COL12A1: variants seen among roughly 807,000 people sequenced by gnomAD.
The protein encoded by COL12A1 is collagen alpha-1(XII) chain.
Under a neutral mutation model 349.7 loss-of-function variants are expected in COL12A1, and 114 were observed. That is an observed-to-expected ratio of 0.33 (90% CI 0.28 to 0.38). COL12A1 has a LOEUF of 0.38. Among genes scored for constraint, COL12A1 ranks in the 10% least tolerant of loss-of-function variants. COL12A1 has a pLI of 1.00. For missense variants in COL12A1, 3,284 were observed against 3,756.9 expected (o/e 0.87, Z 3.29); for synonymous variants, 1,369 against 1,329.0 (o/e 1.03, Z -0.66).
In COL12A1 at chr6:75,184,958, A is replaced by G. The variant is rs369353564; in HGVS notation, c.998-814T>C. 2.0e-5 allele frequency among the ~76,000 whole-genome samples: 3 copies of G among 152,306 alleles called. No individual in the cohort carries two copies. The East Asian group carries it at 5.8e-4, about 29-fold the overall frequency. On this transcript the variant is annotated intron_variant, in intron 8 of 65. Coordinates refer to ENST00000322507, the MANE Select transcript of COL12A1 (RefSeq NM_004370.6). ...GGAAGTGTGTGTAAAAACAGGCCCA[A>G]ATTTACACATCGCCTCCTCAAAAAA...
At chr6:75,117,293 C>T in intron 47 of COL12A1, 89 bp downstream of exon 47, 1 of 1,351,734 alleles carries the variant, frequency 7.4e-7, no homozygotes, top group Non-Finnish European at 1.0e-6. Flanking sequence ...TATGCACAGA[C>T]TTGATCCCAC....
chr6:75,128,436 A>C lies in COL12A1; in HGVS notation c.6211-11T>G, dbSNP rs376353816. 1.1e-5 allele frequency: 17 copies of C among 1,546,322 alleles called. No homozygotes were observed. Among genetic ancestry groups the C allele is most frequent in the Non-Finnish European group, 1.5e-5 (17 of 1,151,230 alleles). On this transcript the variant is annotated splice_polypyrimidine_tract_variant and intron_variant, in intron 37 of 65. Coordinates refer to ENST00000322507, the MANE Select transcript of COL12A1 (RefSeq NM_004370.6). ...GCCTGGGACTGTGGTCTATAGAGGA[A>C]GTTAAATTATAAATATATTACCATC...
intron 2 of COL12A1, among the ~76,000 whole-genome samples, chr6:75,198,471 C>T (rs1770348412): frequency 1.3e-5 from 2 of 150,754 alleles, no homozygotes; most frequent in South Asian, 4.2e-4. Flanking sequence ...ATATGTATTA[C>T]ATATGTAATA....
At chr6:75,100,951 T>C (rs79348085) in intron 58 of COL12A1, among the ~76,000 whole-genome samples, 7,051 of 152,308 alleles carry the variant, frequency 0.046, 287 homozygotes, top group East Asian at 0.19. Context: ...ATTTGTGGTC[T>C]CCTATGGAAC....
chr6:75,087,778 C>A, intron 64 of COL12A1, 31 bp from the exon 65 acceptor site: 1 of 1,597,654 alleles, frequency 6.3e-7, no homozygotes, highest in Non-Finnish European at 8.5e-7. Flanking sequence ...ATATATTTCC[C>A]CTCTTGTCAA....
chr6:75,109,696 C>A (rs183297842), intron 51 of COL12A1, among the ~76,000 whole-genome samples: 4 of 152,084 alleles, frequency 2.6e-5, no homozygotes, highest in South Asian at 4.1e-4. Flanking sequence ...CTCTGGAAAT[C>A]GATAGAATTC....
Position 75,145,463 on chromosome 6 carries a change from T to G in COL12A1, c.4561-8A>C. On this transcript the variant is annotated splice_region_variant and splice_polypyrimidine_tract_variant and intron_variant, in intron 24 of 65. Transcript: ENST00000322507. ...TGTTGGCCCCAAACGCACCTGCACA[T>G]GGATATGTGGAGCAGAAATAAGATA... is the stretch of plus-strand genomic sequence containing the variant. 6.2e-7 allele frequency: 1 copy of G among 1,611,070 alleles called. No individual in the cohort carries two copies. Among genetic ancestry groups the G allele is most frequent in the Non-Finnish European group, 8.5e-7 (1 of 1,178,318 alleles).
rs1396216016 is a variant in COL12A1, at chr6:75,183,669, A to T, written c.1289-17T>A. On this transcript the variant is annotated splice_polypyrimidine_tract_variant and intron_variant, in intron 9 of 65. Coordinates refer to ENST00000322507, the MANE Select transcript of COL12A1 (RefSeq NM_004370.6). ...GTGAGCATTCTGTAAAGAGAAAAAA[A>T]GTACATTAAACTTCAATACATATTA... 3.8e-6 allele frequency: 6 copies of T among 1,579,094 alleles called. No homozygotes were observed. Among genetic ancestry groups the T allele is most frequent in the Non-Finnish European group, 5.1e-6 (6 of 1,168,730 alleles).
rs553404321 is a variant in COL12A1 at position 75,198,360 on chromosome 6, T to A, written c.74-3413A>T. Among the ~76,000 whole-genome samples, 11 of 151,914 alleles carry A rather than the reference T, an allele frequency of 7.2e-5. No individual in the cohort carries two copies. In the South Asian group the frequency reaches 2.3e-3, roughly 31 times the overall value. Reference sequence around the variant, plus strand: ...AAATGGGTTTAATATATACGTATTTTTAATATATACCTATATTTGTAAATA... The same window carrying A: ...AAATGGGTTTAATATATACGTATTTATAATATATACCTATATTTGTAAATA... On this transcript the variant is annotated intron_variant, in intron 2 of 65. Transcript: ENST00000322507.
chr6:75,152,505 A>G (rs1767546563), intron 17 of COL12A1, 23 bp from the exon 18 acceptor site: 1 of 1,612,468 alleles, frequency 6.2e-7, no homozygotes, highest in Non-Finnish European at 8.5e-7. Flanking sequence ...TCATGAGACA[A>G]GACAGTAAGA....
chr6:75,186,117 G>A (rs765317378), intron 8 of COL12A1, among the ~76,000 whole-genome samples: 6 of 152,194 alleles, frequency 3.9e-5, no homozygotes, highest in Non-Finnish European at 7.3e-5. Flanking sequence ...ATTGACAAAT[G>A]GGATCTAATT....
rs996165753 is a variant in COL12A1, at chr6:75,086,495, A to G, written c.*52T>C. 60 of 1,563,510 alleles carry G rather than the reference A, an allele frequency of 3.8e-5. No homozygotes were observed. The highest frequency in any genetic ancestry group is 4.9e-5 in the Non-Finnish European group (56 of 1,145,152). ...GCACGTGCGCAAACATCTCAGAAACAGGATTTTCATGTATTCAAACTGTAA... is the reference window on the plus strand; with the variant it reads ...GCACGTGCGCAAACATCTCAGAAACGGGATTTTCATGTATTCAAACTGTAA... On this transcript the variant is annotated 3_prime_UTR_variant, in exon 66 of 66. Transcript: ENST00000322507.
At position 75,084,955 on chromosome 6, in the gene COL12A1, T is replaced by C. The variant is rs1204812120; in HGVS notation, c.*1592A>G. The C allele has an allele frequency of 1.5e-5, 4 of 275,686 alleles. No individual in the cohort carries two copies. The highest frequency in any genetic ancestry group is 3.7e-5 in the South Asian group (1 of 27,012). 17.1% of individuals were successfully genotyped at this position (275,686 alleles called of 1,614,324 possible). ...CGGCATGTTCTCTCTTTGCAGCTTT[T>C]GTTAACAAAGTATTTTGCAAGCATT... On this transcript the variant is annotated 3_prime_UTR_variant, in exon 66 of 66. Transcript: ENST00000322507.
intron 65 of COL12A1, 61 bp downstream of exon 65, chr6:75,087,516 T>A: frequency 6.4e-7 from 1 of 1,573,128 alleles, no homozygotes; most frequent in Non-Finnish European, 8.7e-7. Context: ...CTAAGGAACT[T>A]CATTTCCGTA....
intron 57 of COL12A1, 102 bp from the exon 58 acceptor site, chr6:75,101,755 T>G: frequency 1.5e-6 from 2 of 1,322,098 alleles, no homozygotes; most frequent in Non-Finnish European, 2.1e-6. Flanking sequence ...CCAGAGACTC[T>G]GAATAGAAAC....
At position 75,175,040 on chromosome 6, in the gene COL12A1, T is replaced by G; in HGVS notation, c.2708A>C (p.Glu903Ala). The G allele has an allele frequency of 6.2e-7, 1 of 1,613,824 alleles. No homozygotes were observed. The highest frequency in any genetic ancestry group is 2.2e-5 in the East Asian group (1 of 44,872). Reference sequence around the variant, plus strand: ...TCAGAAAATATGATGGTAATTACCTTCAAGTGTTGTTCCTTCACCAAAGAG... The same window carrying G: ...TCAGAAAATATGATGGTAATTACCTGCAAGTGTTGTTCCTTCACCAAAGAG... ...DALFGEGTTLEERGSPQDLVT... is the reference protein window; with the variant it reads ...DALFGEGTTLAERGSPQDLVT... Residue 903 changes from glutamate to alanine, a missense_variant and splice_region_variant, in exon 13 of 66, where the codon GAA becomes GCA. By Grantham distance (107) the Glu-to-Ala change is moderately radical. Transcript: ENST00000322507.
At chr6:75,109,851 GTAA>G (rs1318128156) in intron 51 of COL12A1, among the ~76,000 whole-genome samples, 3 of 152,044 alleles carry the variant, frequency 2.0e-5, no homozygotes, top group Non-Finnish European at 2.9e-5. Flanking sequence ...ATGGTCCTGG[GTAA>G]TCCTTGTCTT....
chr6:75,186,181 A>C (rs2149470561), intron 8 of COL12A1, among the ~76,000 whole-genome samples: 1 of 152,350 alleles, frequency 6.6e-6, no homozygotes, highest in East Asian at 1.9e-4. Flanking sequence ...TAAACAGACA[A>C]CATACAAAAT....
chr6:75,186,610 A>G (rs1272829435), intron 8 of COL12A1, among the ~76,000 whole-genome samples: 1 of 152,204 alleles, frequency 6.6e-6, no homozygotes. Context: ...CAGCAATCCC[A>G]TTACTGGGTA....
Sources: allele counts gnomAD v4.1 joint callset (sites outside exome capture counted in the v4.1 genomes callset), GRCh38; gene constraint gnomAD v4.1.1; transcripts MANE v1.5; gene names NCBI Gene and HGNC (gene_info 2026-07-23, HGNC 2026-07-21).